Variants in LRFN2 observed in about 807,000 individuals in gnomAD.
LRFN2 encodes leucine-rich repeat and fibronectin type-III domain-containing protein 2.
LRFN2 carries 18 observed loss-of-function variants against 37.3 expected under a neutral mutation model. That is an observed-to-expected ratio of 0.48 (90% CI 0.33 to 0.72). The LOEUF is 0.72. LRFN2 is among the 30% of genes least tolerant of loss of function. The probability of loss-of-function intolerance (pLI) is 0.02; values close to 1 mark genes in which losing one functional copy is unlikely to be tolerated. For missense variants in LRFN2, 1,006 were observed against 1,060.7 expected (o/e 0.95, Z 0.72); for synonymous variants, 556 against 466.6 (o/e 1.19, Z -2.47).
intron 1 of LRFN2, among the ~76,000 whole-genome samples, chr6:40,537,821 G>A (rs205509): frequency 6.6e-6 from 1 of 152,060 alleles, no homozygotes; most frequent in African/African-American, 2.4e-5. Flanking sequence ...GTGGAGGGAG[G>A]GGACATATGA....
chr6:40,552,036 A>G (rs533536440), intron 1 of LRFN2, among the ~76,000 whole-genome samples: 48 of 152,290 alleles, frequency 3.2e-4, no homozygotes, highest in African/African-American at 1.1e-3. Flanking sequence ...AAGTTATACA[A>G]GGTGAGAGGC....
At chr6:40,532,619 C>T (rs1766367258) in intron 1 of LRFN2, among the ~76,000 whole-genome samples, 1 of 152,182 alleles carries the variant, frequency 6.6e-6, no homozygotes. Context: ...AAATCCTGTA[C>T]CTCCTCCAAG....
intron 1 of LRFN2, among the ~76,000 whole-genome samples, chr6:40,515,753 CGTG>C (rs774816324): frequency 1.3e-5 from 2 of 151,918 alleles, no homozygotes; most frequent in East Asian, 3.9e-4. Context: ...ATTAGCCAGG[CGTG>C]GTGCCATGTG....
At chr6:40,537,793 G>A (rs1174290665) in intron 1 of LRFN2, among the ~76,000 whole-genome samples, 8 of 152,116 alleles carry the variant, frequency 5.3e-5, no homozygotes, top group African/African-American at 1.9e-4. Flanking sequence ...AAGCTGGATG[G>A]ACATCAGAGG....
At chr6:40,447,642 T>G (rs1189661236) in intron 1 of LRFN2, among the ~76,000 whole-genome samples, 1 of 152,236 alleles carries the variant, frequency 6.6e-6, no homozygotes, top group African/African-American at 2.4e-5. Context: ...GGTGAACACT[T>G]GAGTGCTGAT....
chr6:40,424,006 C>A (rs1416872313), intron 2 of LRFN2, among the ~76,000 whole-genome samples: 2 of 152,172 alleles, frequency 1.3e-5, no homozygotes, highest in Non-Finnish European at 2.9e-5. Context: ...GAGTTTAAGT[C>A]ATACTAGTTG....
At chr6:40,504,187 T>G (rs1238219338) in intron 1 of LRFN2, among the ~76,000 whole-genome samples, 4 of 152,242 alleles carry the variant, frequency 2.6e-5, no homozygotes, top group African/African-American at 9.6e-5. Context: ...AAGAGACCAG[T>G]AAAAGCTGGA....
At chr6:40,585,610 C>A (rs1477258441) in intron 1 of LRFN2, among the ~76,000 whole-genome samples, 1 of 152,168 alleles carries the variant, frequency 6.6e-6, no homozygotes, top group East Asian at 1.9e-4. Flanking sequence ...TTGCTCCCCA[C>A]CTTGAGTTCC....
At chr6:40,577,095 T>TCTCTCTC in intron 1 of LRFN2, among the ~76,000 whole-genome samples, 1 of 122,884 alleles carries the variant, frequency 8.1e-6, no homozygotes, top group East Asian at 2.3e-4. Flanking sequence ...TTTCTTTTCT[T>TCTCTCTC]TTCTTTTCCT....
In LRFN2 at chr6:40,391,790, T is replaced by G; in HGVS notation, c.*153A>C. On this transcript the variant is annotated 3_prime_UTR_variant, in exon 3 of 3. Transcript: ENST00000338305. The stretch of plus-strand genomic sequence containing the variant: ...GGTGGTGGGGAGGTGATGTGGGTGT[T>G]GCGGGGTAGGGGGGGACACGAGGCC... 1 of 691,812 alleles carries G rather than the reference T, an allele frequency of 1.4e-6. No individual in the cohort carries two copies. Among genetic ancestry groups the G allele is most frequent in the East Asian group, 3.3e-5 (1 of 30,054 alleles). The allele number at this position is 691,812 out of a possible 1,614,324, so 42.9% of individuals were successfully genotyped here. A position where few individuals can be genotyped will look rare whatever the true frequency, so the allele number is the denominator to read the frequency against.
intron 1 of LRFN2, among the ~76,000 whole-genome samples, chr6:40,465,882 C>T (rs998784787): frequency 6.6e-6 from 1 of 152,026 alleles, no homozygotes; most frequent in Non-Finnish European, 1.5e-5. Context: ...CAGGTAAGTT[C>T]CTGGAGGGGA....
intron 1 of LRFN2, among the ~76,000 whole-genome samples, chr6:40,465,817 A>AC (rs1430255525): frequency 6.6e-6 from 1 of 152,152 alleles, no homozygotes; most frequent in Non-Finnish European, 1.5e-5. Flanking sequence ...CAGTGGGCTT[A>AC]CACTGTCCAC....
intron 1 of LRFN2, among the ~76,000 whole-genome samples, chr6:40,582,366 C>T (rs1327518098): frequency 1.3e-5 from 2 of 151,728 alleles, no homozygotes; most frequent in East Asian, 1.9e-4. Context: ...TTTGCAATCT[C>T]GTATGTTTTT....
At chr6:40,419,315 C>T (rs943569862) in intron 2 of LRFN2, among the ~76,000 whole-genome samples, 2 of 152,172 alleles carry the variant, frequency 1.3e-5, no homozygotes, top group Admixed American at 1.3e-4. Flanking sequence ...GGTGTGATAC[C>T]AACAGAAGCT....
chr6:40,507,519 A>T (rs547945776), intron 1 of LRFN2, among the ~76,000 whole-genome samples: 1 of 152,314 alleles, frequency 6.6e-6, no homozygotes, highest in South Asian at 2.1e-4. Context: ...GTGCGGATTA[A>T]AGGTGGAGGG....
chr6:40,477,618 C>T (rs905841625), intron 1 of LRFN2, among the ~76,000 whole-genome samples: 10 of 152,152 alleles, frequency 6.6e-5, no homozygotes, highest in Non-Finnish European at 1.0e-4. Flanking sequence ...TCCCAGCAGG[C>T]GCTGCAGGAA....
chr6:40,444,459 C>G (rs1763919359), intron 1 of LRFN2, among the ~76,000 whole-genome samples: 1 of 152,194 alleles, frequency 6.6e-6, no homozygotes, highest in African/African-American at 2.4e-5. Context: ...ACCAGGACAG[C>G]ACATTTAAAT....
chr6:40,546,052 C>T (rs1441942261), intron 1 of LRFN2, among the ~76,000 whole-genome samples: 1 of 152,056 alleles, frequency 6.6e-6, no homozygotes, highest in African/African-American at 2.4e-5. Flanking sequence ...CCATCCTGCA[C>T]TCTTGACAAT....
intron 1 of LRFN2, among the ~76,000 whole-genome samples, chr6:40,439,885 TCA>T (rs1456154354): frequency 3.3e-5 from 5 of 151,844 alleles, no homozygotes; most frequent in African/African-American, 1.2e-4. Flanking sequence ...GACTTTGGAG[TCA>T]CAGTTTCTAA....
Sources: gnomAD v4.1 joint callset for allele counts (sites outside exome capture counted in the v4.1 genomes callset) on GRCh38, gnomAD v4.1.1 for gene constraint, MANE v1.5 for transcripts, NCBI Gene and HGNC (gene_info 2026-07-23, HGNC 2026-07-21) for gene names.